Variants in ETV1 observed in about 807,000 individuals in gnomAD.
The protein encoded by ETV1 is ETS variant transcription factor 1.
A neutral mutation model predicts 62.3 loss-of-function variants in ETV1; 27 were observed. The ratio of observed to expected loss-of-function variants is 0.43; its 90% CI spans 0.32 to 0.60. The LOEUF (loss-of-function observed/expected upper bound fraction) is 0.60. ETV1 is among the 20% of genes least tolerant of loss of function. ETV1 has a pLI of 0.06. For synonymous variants in ETV1, 222 were observed against 199.6 expected (o/e 1.11, Z -0.94); for missense variants, 605 against 605.8 (o/e 1.00, Z 0.01).
In ETV1 at chr7:13,911,256, T is replaced by C. The variant is rs777988147; in HGVS notation, c.854A>G (p.His285Arg). Residue 285 changes from histidine to arginine, a missense_variant, in exon 10 of 14, where the codon CAT (histidine) becomes CGT (arginine). Around this residue, in one of 3 missense-constraint regions of ETV1, gnomAD observed 426 missense variants for 377.8 expected, o/e 1.13. Coordinates refer to ENST00000430479, the MANE Select transcript of ETV1 (RefSeq NM_004956.5). ...CAACTTAACTTCTGTTCTGCTGGGATGAGCCAGGAAGCCTTCTTGCCTCAT... is the reference window on the plus strand; with the variant it reads ...CAACTTAACTTCTGTTCTGCTGGGACGAGCCAGGAAGCCTTCTTGCCTCAT... The part of the protein sequence containing the change: ...IYMRQEGFLA[H>R]PSRTEGCMFE... The C allele has an allele frequency of 6.2e-7, 1 of 1,612,898 alleles. No homozygotes were observed. Among genetic ancestry groups the C allele is most frequent in the East Asian group, 2.2e-5 (1 of 44,872 alleles).
chr7:13,919,519 T>C (rs1160165085), intron 9 of ETV1, among the ~76,000 whole-genome samples: 4 of 149,894 alleles, frequency 2.7e-5, no homozygotes, highest in Non-Finnish European at 5.9e-5. Flanking sequence ...TGAATTACTC[T>C]CCTGTAAAAT....
intron 13 of ETV1, 191 bp downstream of exon 13, chr7:13,900,547 T>C (rs893204466): frequency 7.8e-5 from 41 of 528,168 alleles, no homozygotes; most frequent in Non-Finnish European, 1.3e-4. Context: ...ACAATATCAC[T>C]ACACATTTGT....
At chr7:13,919,278 C>T (rs1784549998) in intron 9 of ETV1, among the ~76,000 whole-genome samples, 1 of 151,772 alleles carries the variant, frequency 6.6e-6, no homozygotes, top group Admixed American at 6.6e-5. Context: ...GGATGTCAGG[C>T]CCAGGATTTA....
intron 8 of ETV1, 47 bp from the exon 9 acceptor site, chr7:13,931,796 A>C: frequency 6.3e-7 from 1 of 1,598,822 alleles, no homozygotes; most frequent in South Asian, 1.1e-5. Context: ...AACATGGAAC[A>C]TTCTTTAAAA....
Position 13,970,606 on chromosome 7 carries a change from A to G in ETV1, c.235+6821T>C, listed in dbSNP as rs1780807532. Among the ~76,000 whole-genome samples, 3 of 152,314 alleles carry G rather than the reference A, an allele frequency of 2.0e-5. No individual in the cohort carries two copies. The South Asian group carries it at 6.2e-4, about 32-fold the overall frequency. On this transcript the variant is annotated intron_variant, in intron 6 of 13. Transcript: ENST00000430479. Reference sequence around the variant, plus strand: ...CTCTCATTTTGGTAAAAGCAGTCAGAAAAACGAAAGAAGATGAAGTTTTCC... The same window carrying G: ...CTCTCATTTTGGTAAAAGCAGTCAGGAAAACGAAAGAAGATGAAGTTTTCC...
intron 6 of ETV1, among the ~76,000 whole-genome samples, chr7:13,958,248 C>T (rs1038445421): frequency 5.3e-5 from 8 of 152,170 alleles, no homozygotes; most frequent in African/African-American, 1.2e-4. Context: ...CCCAATAACA[C>T]GACATTTTCA....
chr7:13,896,421 G>C (rs963813394), intron 13 of ETV1, among the ~76,000 whole-genome samples: 1 of 151,990 alleles, frequency 6.6e-6, no homozygotes, highest in Non-Finnish European at 1.5e-5. Flanking sequence ...TTTAATGCAG[G>C]CATTTCATAT....
At chr7:13,958,727 C>T (rs370356981) in intron 6 of ETV1, 4 of 152,274 alleles carry the variant, frequency 2.6e-5, no homozygotes, top group East Asian at 3.9e-4. Flanking sequence ...TGACACAGGA[C>T]AATCCACCTA....
chr7:13,987,767 T>C (rs1455540376), intron 4 of ETV1, among the ~76,000 whole-genome samples: 1 of 152,250 alleles, frequency 6.6e-6, no homozygotes, highest in African/African-American at 2.4e-5. Flanking sequence ...GTATTGGATA[T>C]TTTTAAATTG....
In ETV1 at chr7:13,892,171, A is replaced by T. The variant is rs1389712732; in HGVS notation, c.*3695T>A. 4.3e-6 allele frequency: 1 copy of T among 232,468 alleles called. No homozygotes were observed. Among genetic ancestry groups the T allele is most frequent in the East Asian group, 6.1e-5 (1 of 16,382 alleles). 14.4% of individuals were successfully genotyped at this position (232,468 alleles called of 1,614,324 possible). ...AAATGATAAGATCACATAGTAACCC[A>T]TATTAACACCAAAAGAAATGTATTA... On this transcript the variant is annotated 3_prime_UTR_variant, in exon 14 of 14. Coordinates refer to ENST00000430479, the MANE Select transcript of ETV1 (RefSeq NM_004956.5).
intron 6 of ETV1, among the ~76,000 whole-genome samples, chr7:13,975,691 G>A (rs1208093711): frequency 1.3e-5 from 2 of 151,120 alleles, no homozygotes. Context: ...AGTGGTCAAG[G>A]GTGTAAAAAA....
intron 12 of ETV1, among the ~76,000 whole-genome samples, chr7:13,905,881 G>T (rs1782903975): frequency 6.6e-6 from 1 of 152,140 alleles, no homozygotes; most frequent in South Asian, 2.1e-4. Context: ...AGACACTTAA[G>T]GGCTGAGAAT....
chr7:13,903,060 G>A (rs1348333704), intron 12 of ETV1, among the ~76,000 whole-genome samples: 2 of 152,104 alleles, frequency 1.3e-5, no homozygotes, highest in Non-Finnish European at 2.9e-5. Context: ...CACCAACTAA[G>A]AAAGTTCATT....
chr7:13,969,649 C>G lies in ETV1; in HGVS notation c.235+7778G>C, dbSNP rs527315873. ...CTCTCACAGGATAGGAAACAGGAAG[C>G]TGCATTTGCACAAGCTTCCCAAATG... On this transcript the variant is annotated intron_variant, in intron 6 of 13. Transcript: ENST00000430479. Among the ~76,000 whole-genome samples the G allele has an allele frequency of 1.2e-4, 18 of 152,268 alleles. No individual in the cohort carries two copies. The East Asian group carries it at 3.1e-3, about 26-fold the overall frequency.
intron 9 of ETV1, among the ~76,000 whole-genome samples, chr7:13,924,794 A>T (rs1315450860): frequency 6.6e-6 from 1 of 152,222 alleles, no homozygotes; most frequent in Admixed American, 6.5e-5. Flanking sequence ...TCAGATATTT[A>T]TCTGTAAAAT....
At chr7:13,968,667 G>A (rs921634585) in intron 6 of ETV1, among the ~76,000 whole-genome samples, 3 of 151,784 alleles carry the variant, frequency 2.0e-5, no homozygotes, top group African/African-American at 2.4e-5. Flanking sequence ...CATGAATTAC[G>A]TTTTTTTCTA....
chr7:13,913,578 T>G (rs953030737), intron 9 of ETV1, among the ~76,000 whole-genome samples: 1 of 152,202 alleles, frequency 6.6e-6, no homozygotes, highest in Non-Finnish European at 1.5e-5. Flanking sequence ...ATATGGGACT[T>G]ATTATTAATA....
At position 13,953,400 on chromosome 7, in the gene ETV1, C is replaced by T. The variant is rs535160406; in HGVS notation, c.236-14154G>A. ...GACACTCTTTAAGCCCTGCAAAGTT[C>T]CAAAAATAAAAATCTCTTCTCTGCC... On this transcript the variant is annotated intron_variant, in intron 6 of 13. Coordinates refer to ENST00000430479, the MANE Select transcript of ETV1 (RefSeq NM_004956.5). 6.6e-5 allele frequency among the ~76,000 whole-genome samples: 10 copies of T among 152,220 alleles called. No homozygotes were observed. In the East Asian group the frequency reaches 9.7e-4, roughly 15 times the overall value.
intron 6 of ETV1, 137 bp downstream of exon 6, chr7:13,977,290 T>C (rs1781543875): frequency 3.5e-6 from 2 of 570,962 alleles, no homozygotes; most frequent in South Asian, 5.2e-5. Flanking sequence ...AATCAAATCA[T>C]CTTATGGCTG....
Sources: gnomAD v4.1 joint callset for allele counts (sites outside exome capture counted in the v4.1 genomes callset) on GRCh38, gnomAD v4.1.1 for gene constraint, gnomAD v4.1.1 regional missense constraint, MANE v1.5 for transcripts, NCBI Gene and HGNC (gene_info 2026-07-23, HGNC 2026-07-21) for gene names.